DDA1: variants seen among roughly 807,000 people sequenced by gnomAD.
DDA1 encodes the protein DET1 and DDB1 associated 1.
In DDA1, 3 loss-of-function variants were observed where a neutral mutation model predicts 18.6. That is an observed-to-expected ratio of 0.16 (90% CI 0.07 to 0.42). The LOEUF is 0.42. DDA1 is among the 10% of genes least tolerant of loss of function. The pLI, the probability that DDA1 is intolerant of heterozygous loss-of-function variation, is 0.99. For synonymous variants in DDA1, 52 were observed against 54.0 expected (o/e 0.96, Z 0.17); for missense variants, 105 against 138.2 (o/e 0.76, Z 1.20).
At chr19:17,316,491 A>G (rs2074213486) in intron 4 of DDA1, among the ~76,000 whole-genome samples, 1 of 151,852 alleles carries the variant, frequency 6.6e-6, no homozygotes, top group African/African-American at 2.4e-5. Flanking sequence ...GAGGCAGGAG[A>G]ATCGCTTGAA....
intron 3 of DDA1, among the ~76,000 whole-genome samples, chr19:17,315,179 A>G (rs1387553684): frequency 2.5e-5 from 1 of 40,700 alleles, no homozygotes; most frequent in Non-Finnish European, 5.0e-5. Flanking sequence ...ATATACACAC[A>G]CGTGTATACA....
intron 1 of DDA1, 115 bp downstream of exon 1, chr19:17,309,772 T>TCCGGC: frequency 7.4e-7 from 1 of 1,356,688 alleles, no homozygotes; most frequent in Non-Finnish European, 9.9e-7. Context: ...TCCCCTCAGG[T>TCCGGC]CCGGCCCGCC....
At position 17,315,301 on chromosome 19, in the gene DDA1, CGTG is replaced by C. The variant is rs1278303718; in HGVS notation, c.137-632_137-630del. Among the ~76,000 whole-genome samples the C allele has an allele frequency of 4.0e-4, 13 of 32,908 alleles. 2 individuals are homozygous for C. Among genetic ancestry groups the C allele is most frequent in the Non-Finnish European group, 6.2e-4 (9 of 14,468 alleles). The allele number at this position is 32,908 out of a possible 152,430, so 21.6% of individuals were successfully genotyped here. A position where few individuals can be genotyped will look rare whatever the true frequency, so the allele number is the denominator to read the frequency against. ...TATACACACACTATATATATACACA[CGTG>C]TATATATATACACGCTATATATATA... is the stretch of plus-strand genomic sequence containing the variant. On this transcript the variant is annotated intron_variant, in intron 3 of 4. Coordinates refer to ENST00000359866, the MANE Select transcript of DDA1 (RefSeq NM_024050.6).
chr19:17,313,443 T>A (rs993046465), intron 1 of DDA1, among the ~76,000 whole-genome samples: 56 of 138,810 alleles, frequency 4.0e-4, no homozygotes, highest in Non-Finnish European at 7.1e-4. Context: ...CTTTTTTTTT[T>A]TTTTTTTTTT....
intron 4 of DDA1, among the ~76,000 whole-genome samples, chr19:17,317,105 A>G (rs571095591): frequency 6.7e-6 from 1 of 149,050 alleles, no homozygotes; most frequent in South Asian, 2.1e-4. Context: ...CACGCCTGTA[A>G]TCCCAGCTAC....
At chr19:17,316,129 G>A in intron 4 of DDA1, 134 bp downstream of exon 4, 5 of 981,066 alleles carry the variant, frequency 5.1e-6, no homozygotes, top group Non-Finnish European at 6.4e-6. Flanking sequence ...TGCCCTGGGC[G>A]ATCCAGGAGA....
intron 4 of DDA1, 36 bp downstream of exon 4, chr19:17,316,031 G>T (rs1312068271): frequency 7.5e-6 from 12 of 1,610,468 alleles, no homozygotes; most frequent in Non-Finnish European, 1.0e-5. Context: ...GGGATTGTGG[G>T]TGGACAGAGA....
At chr19:17,316,922 G>A (rs1399091959) in intron 4 of DDA1, among the ~76,000 whole-genome samples, 1 of 151,450 alleles carries the variant, frequency 6.6e-6, no homozygotes, top group Non-Finnish European at 1.5e-5. Context: ...ATGGTGAAAT[G>A]TGTACACATG....
At position 17,314,532 on chromosome 19, in the gene DDA1, G is replaced by C. The variant is rs567445748; in HGVS notation, c.136+143G>C. On this transcript the variant is annotated intron_variant, in intron 3 of 4. Transcript: ENST00000359866. This position sits in a 1 kb window ranked among gnomAD's most constrained non-coding sequence, Gnocchi z 4.6. ...GTTCACACGCTGTCTACTGAATCCA[G>C]TTAAGTCAGGGAGGGCCTCCAGGGA... is the stretch of plus-strand genomic sequence containing the variant. 4 of 1,141,770 alleles carry C rather than the reference G, an allele frequency of 3.5e-6. No individual in the cohort carries two copies. Among genetic ancestry groups the C allele is most frequent in the Non-Finnish European group, 5.0e-6 (4 of 792,732 alleles). 70.7% of individuals were successfully genotyped at this position (1,141,770 alleles called of 1,614,324 possible).
At chr19:17,310,138 A>C (rs938269400) in intron 1 of DDA1, 1 of 163,136 alleles carries the variant, frequency 6.1e-6, no homozygotes, top group South Asian at 1.8e-4. Context: ...CCGGGCCCTG[A>C]CCCCACCTCC....
At position 17,309,674 on chromosome 19, in the gene DDA1, G is replaced by T; in HGVS notation, c.3+17G>T. ...CAGAAGATGGTGAGGATGGCCTCCA[G>T]GCCCCCACTCCCCCTCTGCTAGACA... On this transcript the variant is annotated intron_variant, in intron 1 of 4. Coordinates refer to ENST00000359866, the MANE Select transcript of DDA1 (RefSeq NM_024050.6). 1 of 1,612,380 alleles carries T rather than the reference G, an allele frequency of 6.2e-7. No individual in the cohort carries two copies.
intron 1 of DDA1, 83 bp downstream of exon 1, chr19:17,309,740 G>A: frequency 6.5e-7 from 1 of 1,535,278 alleles, no homozygotes; most frequent in Non-Finnish European, 8.8e-7. Flanking sequence ...TATCCCCCTA[G>A]GCCCCTCTCC....
rs966360834 is a variant in DDA1, at chr19:17,319,648, G to A, written c.301G>A (p.Asp101Asn). The change falls in exon 5 of 5, where the codon GAC (aspartate) becomes AAC (asparagine). Residue 101 changes from aspartate (D) to asparagine (N), a missense_variant. Asp to Asn is a conservative substitution (Grantham distance 23). Coordinates refer to ENST00000359866, the MANE Select transcript of DDA1 (RefSeq NM_024050.6). ...ARTDSPDMHE[D>N]T ...GACCGACAGCCCAGACATGCACGAG[G>A]ACACTTAAGACTCTCAACTCCACAG... is the stretch of plus-strand genomic sequence containing the variant. The A allele has an allele frequency of 6.4e-7, 1 of 1,567,640 alleles. No homozygotes were observed. Among genetic ancestry groups the A allele is most frequent in the Non-Finnish European group, 8.6e-7 (1 of 1,156,174 alleles).
At chr19:17,312,090 C>G (rs2074181735) in intron 1 of DDA1, among the ~76,000 whole-genome samples, 1 of 152,150 alleles carries the variant, frequency 6.6e-6, no homozygotes, top group South Asian at 2.1e-4. Flanking sequence ...GGGAGGTGGC[C>G]CTGTTGGAAT....
chr19:17,312,727 C>T (rs758342053), intron 1 of DDA1, among the ~76,000 whole-genome samples: 6 of 152,218 alleles, frequency 3.9e-5, no homozygotes, highest in East Asian at 3.9e-4. Context: ...AGGCCAGGCG[C>T]GTGGCCATGG....
In DDA1 at chr19:17,314,617, A is replaced by G; in HGVS notation, c.136+228A>G. 1 of 564,240 alleles carries G rather than the reference A, an allele frequency of 1.8e-6. No individual in the cohort carries two copies. Among genetic ancestry groups the G allele is most frequent in the Non-Finnish European group, 3.1e-6 (1 of 317,922 alleles). The allele number at this position is 564,240 out of a possible 1,614,324, so 35.0% of individuals were successfully genotyped here. The stretch of plus-strand genomic sequence containing the variant: ...GGGATGCACACGTGGATGCCTGTCC[A>G]CTCCCAGCCCCTGGGGACAGCCAGA... On this transcript the variant is annotated intron_variant, in intron 3 of 4. Coordinates refer to ENST00000359866, the MANE Select transcript of DDA1 (RefSeq NM_024050.6). This position sits in a 1 kb window ranked among gnomAD's most constrained non-coding sequence, Gnocchi z 4.6.
At chr19:17,318,282 C>CG (rs2074223352) in intron 4 of DDA1, among the ~76,000 whole-genome samples, 1 of 151,868 alleles carries the variant, frequency 6.6e-6, no homozygotes, top group African/African-American at 2.4e-5. Context: ...CCCAGACTGG[C>CG]GTGCAGTGGC....
At chr19:17,312,556 C>A (rs1024248790) in intron 1 of DDA1, among the ~76,000 whole-genome samples, 2 of 152,138 alleles carry the variant, frequency 1.3e-5, no homozygotes, top group African/African-American at 2.4e-5. Context: ...CCCCTCCTCA[C>A]CCTTCAGGTC....
chr19:17,317,856 A>T (rs2074221360), intron 4 of DDA1, among the ~76,000 whole-genome samples: 1 of 151,984 alleles, frequency 6.6e-6, no homozygotes, highest in Non-Finnish European at 1.5e-5. Flanking sequence ...TAAAAATAAG[A>T]GGGTGTAGTT....
Sources: allele counts gnomAD v4.1 joint callset (sites outside exome capture counted in the v4.1 genomes callset), GRCh38; gene constraint gnomAD v4.1.1; non-coding constraint Gnocchi (gnomAD v3.1); transcripts MANE v1.5; gene names NCBI Gene and HGNC (gene_info 2026-07-23, HGNC 2026-07-21).